The following SPAG16 variants were observed in gnomAD, a reference collection of about 807,000 sequenced individuals.
SPAG16 encodes the protein sperm associated antigen 16.
A neutral mutation model predicts 80.4 loss-of-function variants in SPAG16; 86 were observed. That is an observed-to-expected ratio of 1.07 (90% CI 0.90 to 1.28). The LOEUF is 1.28. SPAG16 is among the 50% of genes most tolerant of loss of function. The probability of loss-of-function intolerance (pLI) is 0.00; values close to 1 mark genes in which losing one functional copy is unlikely to be tolerated. For missense variants in SPAG16, 870 were observed against 765.3 expected (o/e 1.14, Z -1.61); for synonymous variants, 294 against 265.9 (o/e 1.11, Z -1.03).
At chr2:213,946,807 C>G (rs2079498141) in intron 12 of SPAG16, among the ~76,000 whole-genome samples, 1 of 152,128 alleles carries the variant, frequency 6.6e-6, no homozygotes, top group Admixed American at 6.5e-5. Flanking sequence ...ACAGATTTGT[C>G]CACAACCATT....
chr2:213,390,174 TTGAG>T (rs898310613), intron 9 of SPAG16, among the ~76,000 whole-genome samples: 62 of 152,210 alleles, frequency 4.1e-4, no homozygotes, highest in African/African-American at 1.4e-3. Flanking sequence ...ATGAGGTACT[TTGAG>T]TGGTGAAAAT....
intron 12 of SPAG16, among the ~76,000 whole-genome samples, chr2:214,001,433 A>G (rs1181503361): frequency 1.3e-5 from 2 of 152,234 alleles, no homozygotes; most frequent in East Asian, 1.9e-4. Context: ...GATTGAAACT[A>G]TGAGCTTTCA....
chr2:213,423,614 A>G (rs2069732541), intron 9 of SPAG16, among the ~76,000 whole-genome samples: 1 of 152,202 alleles, frequency 6.6e-6, no homozygotes, highest in Non-Finnish European at 1.5e-5. Context: ...TGTTTCAACT[A>G]TTAGCTGTTA....
chr2:213,417,565 G>A (rs894457286), intron 9 of SPAG16, among the ~76,000 whole-genome samples: 2 of 152,158 alleles, frequency 1.3e-5, no homozygotes, highest in African/African-American at 4.8e-5. Context: ...GCTGATTTCA[G>A]TGTAAATTAA....
At chr2:213,489,380 C>T (rs1453860401) in intron 9 of SPAG16, among the ~76,000 whole-genome samples, 5 of 151,916 alleles carry the variant, frequency 3.3e-5, no homozygotes, top group South Asian at 2.1e-4. Flanking sequence ...GTGGAGCGGG[C>T]GGTGACCAAG....
chr2:213,314,568 G>C (rs1467301280), intron 4 of SPAG16, among the ~76,000 whole-genome samples: 1 of 151,722 alleles, frequency 6.6e-6, no homozygotes, highest in Non-Finnish European at 1.5e-5. Context: ...TTTTTACATG[G>C]ATGGCAGAAA....
chr2:213,868,991 C>T (rs1003725221), intron 11 of SPAG16, among the ~76,000 whole-genome samples: 1 of 151,832 alleles, frequency 6.6e-6, no homozygotes, highest in East Asian at 1.9e-4. Flanking sequence ...GTGGCTCACA[C>T]CTGTAATCCC....
At chr2:213,924,576 C>T (rs1217120482) in intron 11 of SPAG16, among the ~76,000 whole-genome samples, 7 of 152,172 alleles carry the variant, frequency 4.6e-5, no homozygotes. Flanking sequence ...TTCTCGTCTG[C>T]CATCTTGGCC....
intron 11 of SPAG16, among the ~76,000 whole-genome samples, chr2:213,903,730 T>G (rs2106134905): frequency 6.6e-6 from 1 of 152,304 alleles, no homozygotes; most frequent in African/African-American, 2.4e-5. Context: ...AAATGGATTT[T>G]TCTTTTCTAT....
At chr2:213,816,399 A>G (rs1266294026) in intron 10 of SPAG16, among the ~76,000 whole-genome samples, 1 of 152,154 alleles carries the variant, frequency 6.6e-6, no homozygotes, top group East Asian at 1.9e-4. Flanking sequence ...TCTTTTGGTT[A>G]AAATGCATAG....
At chr2:213,820,014 G>A (rs1010086504) in intron 10 of SPAG16, among the ~76,000 whole-genome samples, 1 of 150,926 alleles carries the variant, frequency 6.6e-6, no homozygotes, top group Non-Finnish European at 1.5e-5. Flanking sequence ...CTGACCTCAG[G>A]TGATCCACCT....
In SPAG16 at chr2:213,833,480, TATATATTATATATAA is replaced by T. The variant is rs2073829702; in HGVS notation, c.1071-29004_1071-28990del. ...TATATATATATTATATATAATAATA[TATATATTATATATAA>T]TATATATATTATATATAATATATAT... On this transcript the variant is annotated intron_variant, in intron 10 of 15. Coordinates refer to ENST00000331683, the MANE Select transcript of SPAG16 (RefSeq NM_024532.5). Among the ~76,000 whole-genome samples, 2 of 2,808 alleles carry T rather than the reference TATATATTATATATAA, an allele frequency of 7.1e-4. 1 individual carries two copies. Among genetic ancestry groups the T allele is most frequent in the South Asian group, 0.2 (2 of 10 alleles). The allele number at this position is 2,808 out of a possible 152,430, so 1.8% of individuals were successfully genotyped here. A position where few individuals can be genotyped will look rare whatever the true frequency, so the allele number is the denominator to read the frequency against.
chr2:214,074,633 G>T (rs907185083), intron 13 of SPAG16, among the ~76,000 whole-genome samples: 1 of 151,896 alleles, frequency 6.6e-6, no homozygotes, highest in Admixed American at 6.6e-5. Context: ...ACCAGAGTGG[G>T]AGAAAATACC....
At chr2:214,367,174 A>G (rs1274914121) in intron 15 of SPAG16, among the ~76,000 whole-genome samples, 1 of 152,230 alleles carries the variant, frequency 6.6e-6, no homozygotes, top group East Asian at 1.9e-4. Flanking sequence ...GCTTTCATAC[A>G]GAAAAGGTTA....
In SPAG16 at chr2:214,386,929, G is replaced by GTAAC. The variant is rs573135831; in HGVS notation, c.1721-23209_1721-23206dup. 8.7e-4 allele frequency among the ~76,000 whole-genome samples: 131 copies of GTAAC among 150,924 alleles called. 2 individuals carry two copies. The highest frequency in any genetic ancestry group is 3.1e-3 in the African/African-American group (128 of 41,098). ...GAACTACTTTGCTTTTGACAGTTGC[G>GTAAC]TAACTTTTCTATCTCAGCTTCTAAC... On this transcript the variant is annotated intron_variant, in intron 15 of 15. Transcript: ENST00000331683.
At chr2:214,334,139 A>G (rs10170921) in intron 15 of SPAG16, among the ~76,000 whole-genome samples, 58 of 152,270 alleles carry the variant, frequency 3.8e-4, no homozygotes, top group African/African-American at 1.3e-3. Flanking sequence ...CAGTTACATC[A>G]TCTATCTCCT....
intron 10 of SPAG16, among the ~76,000 whole-genome samples, chr2:213,538,378 G>T (rs1406158392): frequency 6.6e-6 from 1 of 152,070 alleles, no homozygotes; most frequent in African/African-American, 2.4e-5. Flanking sequence ...ATGTCCTTAA[G>T]AAATTAGGAT....
intron 10 of SPAG16, among the ~76,000 whole-genome samples, chr2:213,578,686 G>A (rs2060207235): frequency 6.6e-6 from 1 of 151,998 alleles, no homozygotes; most frequent in African/African-American, 2.4e-5. Context: ...AATGACTCAG[G>A]GATAGAGTCA....
At chr2:213,917,264 T>C (rs971574632) in intron 11 of SPAG16, among the ~76,000 whole-genome samples, 8 of 152,190 alleles carry the variant, frequency 5.3e-5, no homozygotes, top group African/African-American at 1.7e-4. Flanking sequence ...TTTGGGCTCT[T>C]TTTTTGGTTC....
Sources: allele counts gnomAD v4.1 joint callset (sites outside exome capture counted in the v4.1 genomes callset), GRCh38; gene constraint gnomAD v4.1.1; transcripts MANE v1.5; gene names NCBI Gene and HGNC (gene_info 2026-07-23, HGNC 2026-07-21).